Variants in TSHZ1 observed in about 807,000 individuals in gnomAD.
The protein encoded by TSHZ1 is teashirt homolog 1.
A neutral mutation model predicts 67.1 loss-of-function variants in TSHZ1; 12 were observed. That is an observed-to-expected ratio of 0.18 (90% CI 0.11 to 0.29). TSHZ1 has a LOEUF of 0.29. Ranked by LOEUF, TSHZ1 falls within the 10% of genes least tolerant of loss-of-function variation. The pLI, the probability that TSHZ1 is intolerant of heterozygous loss-of-function variation, is 1.00. For missense variants in TSHZ1, 1,305 were observed against 1,413.9 expected, an observed-to-expected ratio of 0.92 and a Z score of 1.23; for synonymous variants, 632 against 622.4, an observed-to-expected ratio of 1.02 and a Z score of -0.23.
chr18:75,258,912 A>G (rs1324251901), intron 1 of TSHZ1, among the ~76,000 whole-genome samples: 1 of 152,234 alleles, frequency 6.6e-6, no homozygotes, highest in Non-Finnish European at 1.5e-5. Flanking sequence ...TATTAAAAAA[A>G]TTATAAAAAC....
Position 75,243,248 on chromosome 18 carries a change from G to C in TSHZ1, c.40+31332G>C, listed in dbSNP as rs545684822. Among the ~76,000 whole-genome samples, 164 of 152,362 alleles carry C rather than the reference G, an allele frequency of 1.1e-3. 1 individual carries two copies. The highest frequency in any genetic ancestry group is 3.8e-3 in the African/African-American group (156 of 41,576). ...GTAAGGTTGTCATTCACACCGTAAA[G>C]TGGTGTAGCTCCGATGGTTTCCAGT... On this transcript the variant is annotated intron_variant, in intron 1 of 1. Coordinates refer to ENST00000580243, the MANE Select transcript of TSHZ1 (RefSeq NM_001308210.2).
intron 1 of TSHZ1, among the ~76,000 whole-genome samples, chr18:75,250,544 C>T (rs945527298): frequency 3.3e-5 from 5 of 152,166 alleles, no homozygotes; most frequent in African/African-American, 1.2e-4. Flanking sequence ...GTGCCTGCAG[C>T]GTGCTGGGCC....
chr18:75,287,405 G>A lies in TSHZ1; in HGVS notation c.1998G>A (p.Leu666=), dbSNP rs1223803434. 26 of 1,614,036 alleles carry A rather than the reference G, an allele frequency of 1.6e-5. No homozygotes were observed. The highest frequency in any genetic ancestry group is 2.2e-5 in the South Asian group (2 of 91,068). The change falls in exon 2 of 2, where the codon CTG becomes CTA. Residue 666 remains leucine, a synonymous_variant. Transcript: ENST00000580243. The surrounding 1 kb of genome is among the most constrained non-coding windows in gnomAD (Gnocchi z 5.0). The part of the protein sequence containing the change: ...ERPPEKEKSS[L]AKAASPIAKE... The stretch of plus-strand genomic sequence containing the variant: ...CCCCTGAGAAGGAGAAGAGCTCCCT[G>A]GCCAAGGCTGCGTCCCCCATAGCAA...
Position 75,289,759 on chromosome 18 carries a change from T to C in TSHZ1, c.*1118T>C, listed in dbSNP as rs2023836825. 1 of 167,184 alleles carries C rather than the reference T, an allele frequency of 6.0e-6. No individual in the cohort carries two copies. The highest frequency in any genetic ancestry group is 1.9e-4 in the East Asian group (1 of 5,194). The allele number at this position is 167,184 out of a possible 1,614,324, so 10.4% of individuals were successfully genotyped here. ...GGACTTTTACTGGCACCTGCATCTCTCCAGATGCATGTACTCAGAGGGACT... is the reference window on the plus strand; with the variant it reads ...GGACTTTTACTGGCACCTGCATCTCCCCAGATGCATGTACTCAGAGGGACT... On this transcript the variant is annotated 3_prime_UTR_variant, in exon 2 of 2. Coordinates refer to ENST00000580243, the MANE Select transcript of TSHZ1 (RefSeq NM_001308210.2).
In TSHZ1 at chr18:75,286,988, T is replaced by G; in HGVS notation, c.1581T>G (p.Phe527Leu). ...AGAGTGAGGACAGCTTGGAGAAATT[T>G]GAGCCCAGCACCCTGTACCCGTACC... is the stretch of plus-strand genomic sequence containing the variant. ...KEESEDSLEK[F>L]EPSTLYPYLR... The change falls in exon 2 of 2, where the codon TTT (phenylalanine) becomes TTG (leucine). Residue 527 changes from phenylalanine to leucine, a missense_variant. Phe to Leu is a conservative substitution (Grantham distance 22). Around this residue, in one of 3 missense-constraint regions of TSHZ1, gnomAD observed 909 missense variants for 961.8 expected, o/e 0.95. Transcript: ENST00000580243. This position sits in a 1 kb window ranked among gnomAD's most constrained non-coding sequence, Gnocchi z 5.1. 6 of 1,613,996 alleles carry G rather than the reference T, an allele frequency of 3.7e-6. No homozygotes were observed. Among genetic ancestry groups the G allele is most frequent in the Non-Finnish European group, 5.1e-6 (6 of 1,180,014 alleles).
intron 1 of TSHZ1, among the ~76,000 whole-genome samples, chr18:75,217,219 C>T (rs2022781434): frequency 6.6e-6 from 1 of 152,236 alleles, no homozygotes; most frequent in Non-Finnish European, 1.5e-5. Flanking sequence ...GTGTCATAAA[C>T]AGAACATCCC....
intron 1 of TSHZ1, 93 bp downstream of exon 1, chr18:75,212,009 G>A: frequency 9.8e-7 from 1 of 1,024,712 alleles, no homozygotes; most frequent in Non-Finnish European, 1.2e-6. Flanking sequence ...CGTGGGCCGC[G>A]GGCCGCCCCA....
chr18:75,214,551 C>T (rs2022742168), intron 1 of TSHZ1, among the ~76,000 whole-genome samples: 1 of 152,128 alleles, frequency 6.6e-6, no homozygotes, highest in Non-Finnish European at 1.5e-5. Flanking sequence ...GTTGGCCTGC[C>T]TCACTGTTCC....
intron 1 of TSHZ1, among the ~76,000 whole-genome samples, 153 bp downstream of exon 1, chr18:75,212,069 T>C (rs1261474595): frequency 6.6e-6 from 1 of 152,018 alleles, no homozygotes; most frequent in Non-Finnish European, 1.5e-5. Flanking sequence ...GTCTGGAGGC[T>C]GCGGTCGCCG....
rs201448115 is a variant in TSHZ1 at position 75,285,951 on chromosome 18, A to G, written c.544A>G (p.Ser182Gly). The change falls in exon 2 of 2, where the codon AGC (serine) becomes GGC (glycine). Residue 182 changes from serine (S) to glycine (G), a missense_variant. By Grantham distance (56) the Ser-to-Gly change is moderately conservative. Around this residue, in one of 3 missense-constraint regions of TSHZ1, gnomAD observed 358 missense variants for 375.6 expected, o/e 0.95. Coordinates refer to ENST00000580243, the MANE Select transcript of TSHZ1 (RefSeq NM_001308210.2). ...CACGCCCAGCACCAGCTGCAGCTCC[A>G]GCACCAGCCACAGCAGTACCACCAG... ...TSTPSTSCSSSTSHSSTTSTS... is the reference protein window; with the variant it reads ...TSTPSTSCSSGTSHSSTTSTS... 1.9e-3 allele frequency: 2,906 copies of G among 1,501,536 alleles called. 5 individuals are homozygous for G. The highest frequency in any genetic ancestry group is 2.4e-3 in the Non-Finnish European group (2,715 of 1,123,542). The allele number at this position is 1,501,536 out of a possible 1,614,324, so 93.0% of individuals were successfully genotyped here.
chr18:75,278,251 C>T (rs1475116994), intron 1 of TSHZ1, among the ~76,000 whole-genome samples: 3 of 140,912 alleles, frequency 2.1e-5, no homozygotes, highest in African/African-American at 8.1e-5. Flanking sequence ...ACAGGTATAG[C>T]CTGGGGGTGG....
chr18:75,212,926 C>A (rs1339071894), intron 1 of TSHZ1, among the ~76,000 whole-genome samples: 1 of 152,188 alleles, frequency 6.6e-6, no homozygotes. Context: ...GAATGCAACC[C>A]ATATGCCAGT....
chr18:75,244,147 G>A (rs933784843), intron 1 of TSHZ1, among the ~76,000 whole-genome samples: 9 of 152,248 alleles, frequency 5.9e-5, no homozygotes, highest in South Asian at 4.1e-4. Context: ...CTGCACTGTC[G>A]GGGGAATAGG....
intron 1 of TSHZ1, among the ~76,000 whole-genome samples, chr18:75,234,644 A>G (rs113806855): frequency 0.013 from 1,987 of 151,868 alleles, 51 homozygotes; most frequent in African/African-American, 0.045. Context: ...GGTCTTCATT[A>G]TTGTGTTTTT....
chr18:75,245,937 T>C (rs2023216115), intron 1 of TSHZ1, among the ~76,000 whole-genome samples: 1 of 152,226 alleles, frequency 6.6e-6, no homozygotes, highest in Admixed American at 6.5e-5. Context: ...TGTTAAATCT[T>C]GGTTAGCACT....
Position 75,285,593 on chromosome 18 carries a change from C to T in TSHZ1, c.186C>T (p.Ser62=), listed in dbSNP as rs1328232048. 3.7e-6 allele frequency: 6 copies of T among 1,608,798 alleles called. No individual in the cohort carries two copies. Among genetic ancestry groups the T allele is most frequent in the Non-Finnish European group, 5.1e-6 (6 of 1,176,098 alleles). The change falls in exon 2 of 2, where the codon TCC becomes TCT. Residue 62 remains serine, a synonymous_variant. Transcript: ENST00000580243. ...EIKEAQSYQN[S]PVSSATNQDA... ...AAGAGGCGCAGAGCTACCAGAACTC[C>T]CCAGTCAGCTCTGCGACTAACCAGG... is the stretch of plus-strand genomic sequence containing the variant.
intron 1 of TSHZ1, among the ~76,000 whole-genome samples, chr18:75,221,913 A>G (rs1229915717): frequency 1.3e-5 from 2 of 152,078 alleles, no homozygotes; most frequent in African/African-American, 4.8e-5. Flanking sequence ...GAGAATATAT[A>G]CATATGTATA....
intron 1 of TSHZ1, among the ~76,000 whole-genome samples, chr18:75,235,854 C>G (rs1037463484): frequency 7.2e-5 from 11 of 152,226 alleles, no homozygotes; most frequent in African/African-American, 2.7e-4. Context: ...TCTGCCTCCT[C>G]CAGCGTCTGT....
In TSHZ1 at chr18:75,285,867, TCCGCCC is replaced by T; in HGVS notation, c.463_468del (p.Ala155_Pro156del). 6.3e-7 allele frequency: 1 copy of T among 1,596,616 alleles called. No individual in the cohort carries two copies. Among genetic ancestry groups the T allele is most frequent in the South Asian group, 1.1e-5 (1 of 88,804 alleles). ...CAACGATGCCAGCCAGAAGGAGAGC[TCCGCCC>T]CCACCCCCACACCCCCCACCTGCCC... On this transcript the variant is annotated inframe_deletion, in exon 2 of 2. Transcript: ENST00000580243.
Sources: gnomAD v4.1 joint callset for allele counts (sites outside exome capture counted in the v4.1 genomes callset) on GRCh38, gnomAD v4.1.1 for gene constraint, gnomAD v4.1.1 regional missense constraint, Gnocchi (gnomAD v3.1) non-coding constraint, MANE v1.5 for transcripts, NCBI Gene and HGNC (gene_info 2026-07-23, HGNC 2026-07-21) for gene names.